The following FANCC variants were observed in gnomAD, a reference collection of about 807,000 sequenced individuals.
FANCC encodes FA complementation group C, also known as Fanconi anemia group C protein.
A neutral mutation model predicts 71.3 loss-of-function variants in FANCC; 55 were observed. That is an observed-to-expected ratio of 0.77 (90% CI 0.62 to 0.97). FANCC has a LOEUF of 0.97. Among genes scored for constraint, FANCC ranks in the 50% least tolerant of loss-of-function variants. The pLI is 0.00. For synonymous variants in FANCC, 275 were observed against 244.9 expected (o/e 1.12, Z -1.15); for missense variants, 678 against 670.9 (o/e 1.01, Z -0.12).
chr9:95,117,327 G>A lies in FANCC; in HGVS notation c.1060C>T (p.Gln354Ter). The change falls in exon 11 of 15, where the codon CAA becomes TAA. Residue 354 changes from glutamine (Q) to a stop codon, truncating the protein, a stop_gained. Coordinates refer to ENST00000289081, the MANE Select transcript of FANCC (RefSeq NM_000136.3). LOFTEE classifies it high-confidence loss of function. ...AACCCTAACTCACCTTGAGGGTCTT[G>A]CAGCAGCACCATGGCAAGAGATGGA... ...TSPSLAMVLL[Q>*]DPQDIPRGHW... The A allele has an allele frequency of 3.7e-6, 6 of 1,614,070 alleles. No individual in the cohort carries two copies. Among genetic ancestry groups the A allele is most frequent in the Non-Finnish European group, 5.1e-6 (6 of 1,180,000 alleles).
intron 3 of FANCC, 48 bp from the exon 4 acceptor site, chr9:95,240,791 T>C (rs1318910469): frequency 1.9e-5 from 21 of 1,123,624 alleles, no homozygotes; most frequent in Non-Finnish European, 2.8e-5. Flanking sequence ...AAAAAATCAT[T>C]AATATAAAAA....
At chr9:95,105,261 G>C (rs891117445) in intron 14 of FANCC, among the ~76,000 whole-genome samples, 11 of 152,158 alleles carry the variant, frequency 7.2e-5, no homozygotes, top group Admixed American at 4.6e-4. Context: ...GTCATGTTAC[G>C]GGGACTTTCT....
intron 1 of FANCC, among the ~76,000 whole-genome samples, chr9:95,313,829 T>G (rs1389881977): frequency 1.1e-4 from 17 of 152,148 alleles, no homozygotes; most frequent in Non-Finnish European, 1.5e-5. Flanking sequence ...ATCATATTGA[T>G]AAAGGAACAA....
intron 4 of FANCC, among the ~76,000 whole-genome samples, chr9:95,230,642 G>T (rs1275967358): frequency 6.6e-6 from 1 of 152,074 alleles, no homozygotes; most frequent in Non-Finnish European, 1.5e-5. Flanking sequence ...GCAGACCTTC[G>T]CAGTGAGTGT....
At chr9:95,287,012 T>A (rs908531656) in intron 1 of FANCC, among the ~76,000 whole-genome samples, 2 of 152,198 alleles carry the variant, frequency 1.3e-5, no homozygotes, top group African/African-American at 2.4e-5. Context: ...AAATAATAAT[T>A]ATTATTATTT....
intron 6 of FANCC, among the ~76,000 whole-genome samples, chr9:95,167,539 ATTTGTG>A (rs1364890908): frequency 6.6e-6 from 1 of 151,796 alleles, no homozygotes; most frequent in African/African-American, 2.4e-5. Flanking sequence ...ATTTCAAATG[ATTTGTG>A]TTTAAGTTTT....
At chr9:95,179,342 C>T (rs1359558195) in intron 4 of FANCC, among the ~76,000 whole-genome samples, 1 of 152,128 alleles carries the variant, frequency 6.6e-6, no homozygotes, top group African/African-American at 2.4e-5. Flanking sequence ...AATAATATTT[C>T]CAGGTGATTC....
At chr9:95,229,551 G>A (rs1463793929) in intron 4 of FANCC, among the ~76,000 whole-genome samples, 1 of 152,186 alleles carries the variant, frequency 6.6e-6, no homozygotes, top group Non-Finnish European at 1.5e-5. Flanking sequence ...GAGGAAACAG[G>A]AAGAATGAAG....
chr9:95,205,255 T>C (rs1828050208), intron 4 of FANCC, among the ~76,000 whole-genome samples: 1 of 152,206 alleles, frequency 6.6e-6, no homozygotes, highest in South Asian at 2.1e-4. Context: ...AAAGGTATAG[T>C]ATACTATGAC....
chr9:95,289,657 T>C lies in FANCC; in HGVS notation c.-79+27869A>G, dbSNP rs143912904. Among the ~76,000 whole-genome samples, 194 of 152,332 alleles carry C rather than the reference T, an allele frequency of 1.3e-3. 1 individual carries two copies. The highest frequency in any genetic ancestry group is 4.5e-3 in the African/African-American group (188 of 41,576). On this transcript the variant is annotated intron_variant, in intron 1 of 14. Transcript: ENST00000289081. ...TTTTAACCATAACTGTATGATATTT[T>C]ATTGACTGACTGAGACAGGGTCTTG... is the stretch of plus-strand genomic sequence containing the variant.
chr9:95,210,295 C>G (rs1017836810), intron 4 of FANCC, among the ~76,000 whole-genome samples: 1 of 152,002 alleles, frequency 6.6e-6, no homozygotes, highest in African/African-American at 2.4e-5. Flanking sequence ...CAGTAACATT[C>G]TATTCCTAAC....
At position 95,130,701 on chromosome 9, in the gene FANCC, C is replaced by T. The variant is rs148382799; in HGVS notation, c.844-4120G>A. On this transcript the variant is annotated intron_variant, in intron 8 of 14. Coordinates refer to ENST00000289081, the MANE Select transcript of FANCC (RefSeq NM_000136.3). ...TCCCGTCCCACCGTGTAGCTGTTTC[C>T]GAGCCACTGTTCTCTCCACAGTGGG... Among the ~76,000 whole-genome samples the T allele has an allele frequency of 9.9e-4, 150 of 152,284 alleles. 2 individuals are homozygous for T. Among genetic ancestry groups the T allele is most frequent in the African/African-American group, 3.5e-3 (145 of 41,564 alleles).
chr9:95,171,690 T>C (rs1825689536), intron 5 of FANCC, among the ~76,000 whole-genome samples: 1 of 152,184 alleles, frequency 6.6e-6, no homozygotes, highest in Non-Finnish European at 1.5e-5. Context: ...AAAATTCCAA[T>C]CAGGTTATTT....
intron 1 of FANCC, among the ~76,000 whole-genome samples, chr9:95,315,433 A>T (rs916164115): frequency 6.6e-6 from 1 of 152,212 alleles, no homozygotes; most frequent in Admixed American, 6.5e-5. Context: ...TCTGTTGCCC[A>T]CGCTGGACTC....
chr9:95,135,535 G>T (rs971530992), intron 7 of FANCC, 33 bp from the exon 8 acceptor site: 2 of 1,599,346 alleles, frequency 1.3e-6, no homozygotes, highest in Non-Finnish European at 1.7e-6. Flanking sequence ...ATTTTAAACA[G>T]AAATGGCTCA....
At chr9:95,306,262 G>C (rs1166856395) in intron 1 of FANCC, among the ~76,000 whole-genome samples, 2 of 152,144 alleles carry the variant, frequency 1.3e-5, no homozygotes, top group African/African-American at 4.8e-5. Context: ...GTTTGTGTTT[G>C]TGAAATTTGA....
At chr9:95,219,370 G>A (rs772968997) in intron 4 of FANCC, among the ~76,000 whole-genome samples, 5 of 152,188 alleles carry the variant, frequency 3.3e-5, no homozygotes, top group Non-Finnish European at 7.3e-5. Flanking sequence ...AGATGTATAT[G>A]CCAAAAAAGT....
At chr9:95,247,592 A>C (rs1831069451) in intron 2 of FANCC, 76 bp from the exon 3 acceptor site, 2 of 935,974 alleles carry the variant, frequency 2.1e-6, no homozygotes, top group African/African-American at 3.2e-5. Flanking sequence ...TTATAGATTG[A>C]GGGAACGTGA....
chr9:95,267,116 A>G (rs1832426469), intron 1 of FANCC, among the ~76,000 whole-genome samples: 1 of 152,178 alleles, frequency 6.6e-6, no homozygotes, highest in Admixed American at 6.5e-5. Flanking sequence ...GCTAGGGTCC[A>G]AAAACAGGCA....
Sources: gnomAD v4.1 joint callset for allele counts (sites outside exome capture counted in the v4.1 genomes callset) on GRCh38, gnomAD v4.1.1 for gene constraint, MANE v1.5 for transcripts, NCBI Gene and HGNC (gene_info 2026-07-23, HGNC 2026-07-21) for gene names.